PDZRN3: variants seen among roughly 807,000 people sequenced by gnomAD.
The protein encoded by PDZRN3 is E3 ubiquitin-protein ligase PDZRN3.
PDZRN3 carries 38 observed loss-of-function variants against 85.7 expected under a neutral mutation model. That is an observed-to-expected ratio of 0.44 (90% CI 0.34 to 0.58). The LOEUF is 0.58. PDZRN3 is among the 20% of genes least tolerant of loss of function. The pLI, the probability that PDZRN3 is intolerant of heterozygous loss-of-function variation, is 0.01. For missense variants in PDZRN3, 1,629 were observed against 1,506.4 expected (o/e 1.08, Z -1.35); for synonymous variants, 759 against 638.0 (o/e 1.19, Z -2.86).
chr3:73,575,694 G>T (rs892794223), intron 3 of PDZRN3, among the ~76,000 whole-genome samples: 3 of 152,192 alleles, frequency 2.0e-5, no homozygotes, highest in African/African-American at 7.2e-5. Flanking sequence ...GACAAATGAA[G>T]ACTGGCTCTA....
intron 3 of PDZRN3, among the ~76,000 whole-genome samples, chr3:73,450,231 C>A: frequency 6.6e-6 from 1 of 152,206 alleles, no homozygotes; most frequent in East Asian, 1.9e-4. Context: ...CTGTGTTCTA[C>A]ATTGACATGC....
Position 73,480,851 on chromosome 3 carries a change from T to A in PDZRN3, c.919-76456A>T, listed in dbSNP as rs987535313. 2.0e-5 allele frequency among the ~76,000 whole-genome samples: 3 copies of A among 152,206 alleles called. No individual in the cohort carries two copies. In the East Asian group the frequency reaches 5.8e-4, roughly 29 times the overall value. On this transcript the variant is annotated intron_variant, in intron 3 of 9. Transcript: ENST00000263666. The stretch of plus-strand genomic sequence containing the variant: ...TTGGCCAAAGACCCTTGCATTCATA[T>A]TACTTTCTTAACATGTTCCATAACA...
Position 73,383,198 on chromosome 3 carries a change from CCTTAAAATAGACCT to C in PDZRN3, c.*153_*166del. 1.7e-6 allele frequency: 1 copy of C among 582,588 alleles called. No homozygotes were observed. The highest frequency in any genetic ancestry group is 3.0e-6 in the Non-Finnish European group (1 of 338,118). 36.1% of individuals were successfully genotyped at this position (582,588 alleles called of 1,614,324 possible). On this transcript the variant is annotated 3_prime_UTR_variant, in exon 10 of 10. Transcript: ENST00000263666. Reference sequence around the variant, plus strand: ...AGTAAGGGTGTTTTTCTCTCTCTTCCCTTAAAATAGACCTATGACACCCAGAGTTGTAGGGTTTG... The same window carrying C: ...AGTAAGGGTGTTTTTCTCTCTCTTCCATGACACCCAGAGTTGTAGGGTTTG...
At chr3:73,548,239 C>T (rs983166056) in intron 3 of PDZRN3, among the ~76,000 whole-genome samples, 2 of 152,164 alleles carry the variant, frequency 1.3e-5, no homozygotes, top group Non-Finnish European at 2.9e-5. Context: ...ATGTGACAGG[C>T]GCTTGGGGTC....
intron 3 of PDZRN3, among the ~76,000 whole-genome samples, chr3:73,488,703 T>G (rs939800303): frequency 7.2e-5 from 11 of 152,368 alleles, no homozygotes; most frequent in African/African-American, 2.6e-4. Context: ...CCAACAGGGC[T>G]GGCTTCGTGC....
chr3:73,474,810 G>T lies in PDZRN3; in HGVS notation c.919-70415C>A, dbSNP rs11917657. Among the ~76,000 whole-genome samples the T allele has an allele frequency of 7.9e-3, 1,203 of 152,240 alleles. 9 individuals are homozygous for T. The highest frequency in any genetic ancestry group is 0.025 in the African/African-American group (1,032 of 41,548). On this transcript the variant is annotated intron_variant, in intron 3 of 9. Coordinates refer to ENST00000263666, the MANE Select transcript of PDZRN3 (RefSeq NM_015009.3). ...GGAGCAAGCTGTGAAATGAACCAAG[G>T]GGTGGATGGTGAGGTTCATGACCCT...
intron 3 of PDZRN3, among the ~76,000 whole-genome samples, chr3:73,578,147 T>C (rs1448725835): frequency 2.6e-5 from 4 of 151,170 alleles, no homozygotes; most frequent in Admixed American, 1.3e-4. Context: ...CTTTATGATA[T>C]GGTCTTTGAC....
rs756442409 is a variant in PDZRN3, at chr3:73,384,234, A to T, written c.2332T>A (p.Ser778Thr). The T allele has an allele frequency of 4.9e-5, 79 of 1,613,434 alleles. No homozygotes were observed. The highest frequency in any genetic ancestry group is 6.4e-5 in the Non-Finnish European group (75 of 1,179,990). Residue 778 changes from serine (S) to threonine (T), a missense_variant, in exon 10 of 10, where the codon TCC becomes ACC. Physicochemically the swap from Ser to Thr is moderately conservative, Grantham distance 58. Coordinates refer to ENST00000263666, the MANE Select transcript of PDZRN3 (RefSeq NM_015009.3). ...ATGCCCTCCGCCGCTCTCCTCAAGGAGTTGTCGGGGGAGATCTCCAGGGTG... is the reference window on the plus strand; with the variant it reads ...ATGCCCTCCGCCGCTCTCCTCAAGGTGTTGTCGGGGGAGATCTCCAGGGTG... ...PLTLEISPDN[S>T]LRRAAEGISC...
chr3:73,483,726 A>G (rs944052229), intron 3 of PDZRN3, among the ~76,000 whole-genome samples: 1 of 152,230 alleles, frequency 6.6e-6, no homozygotes, highest in African/African-American at 2.4e-5. Flanking sequence ...AGGGTAGCCC[A>G]GAAGGAGGAG....
rs76133005 is a variant in PDZRN3, at chr3:73,592,765, A to T, written c.918+9589T>A. 8.5e-4 allele frequency among the ~76,000 whole-genome samples: 129 copies of T among 152,266 alleles called. No homozygotes were observed. The East Asian group carries it at 0.025, about 29-fold the overall frequency. On this transcript the variant is annotated intron_variant, in intron 3 of 9. Transcript: ENST00000263666. ...CCACCCTGGAGTACTCAGAGTTCCCAGTGAAAGTGGCATAATTGCAAATCA... is the reference window on the plus strand; with the variant it reads ...CCACCCTGGAGTACTCAGAGTTCCCTGTGAAAGTGGCATAATTGCAAATCA...
intron 3 of PDZRN3, among the ~76,000 whole-genome samples, chr3:73,572,173 A>T (rs953175661): frequency 9.9e-5 from 15 of 152,210 alleles, no homozygotes; most frequent in Non-Finnish European, 8.8e-5. Context: ...ATATTGATAA[A>T]AATAAACCAT....
chr3:73,433,628 C>T (rs6803514), intron 3 of PDZRN3: 1 of 1,516,154 alleles, frequency 6.6e-7, no homozygotes, highest in Non-Finnish European at 8.9e-7. Flanking sequence ...GAATAAAATG[C>T]AGGGTGTTAC....
chr3:73,395,276 T>C (rs1214498489), intron 5 of PDZRN3, among the ~76,000 whole-genome samples: 2 of 152,258 alleles, frequency 1.3e-5, no homozygotes, highest in Non-Finnish European at 2.9e-5. Flanking sequence ...ATTAAGCATA[T>C]TGCTGAAAGC....
At chr3:73,416,062 T>TTTTG (rs897880890) in intron 3 of PDZRN3, among the ~76,000 whole-genome samples, 3 of 152,078 alleles carry the variant, frequency 2.0e-5, no homozygotes, top group Non-Finnish European at 2.9e-5. Flanking sequence ...TAAGGGTTTT[T>TTTTG]TTTGTTTGTT....
At chr3:73,501,709 A>G (rs1703982632) in intron 3 of PDZRN3, among the ~76,000 whole-genome samples, 1 of 152,218 alleles carries the variant, frequency 6.6e-6, no homozygotes, top group Non-Finnish European at 1.5e-5. Context: ...ATTGACATCC[A>G]CATTCTAAAA....
intron 3 of PDZRN3, among the ~76,000 whole-genome samples, chr3:73,441,613 G>A (rs963300273): frequency 6.6e-6 from 1 of 152,024 alleles, no homozygotes; most frequent in African/African-American, 2.4e-5. Context: ...GAAGGAACTG[G>A]GGCTCAGGGA....
intron 3 of PDZRN3, among the ~76,000 whole-genome samples, chr3:73,490,924 A>T (rs1234206575): frequency 1.3e-5 from 2 of 152,204 alleles, no homozygotes; most frequent in Non-Finnish European, 2.9e-5. Context: ...GCAGTCCTTC[A>T]ACGCACGGGG....
At chr3:73,391,570 A>G (rs1435463972) in intron 5 of PDZRN3, among the ~76,000 whole-genome samples, 1 of 152,220 alleles carries the variant, frequency 6.6e-6, no homozygotes, top group Admixed American at 6.5e-5. Context: ...CAGATTACAC[A>G]TAAATTGATC....
intron 3 of PDZRN3, among the ~76,000 whole-genome samples, chr3:73,447,495 T>A (rs1702774406): frequency 6.6e-6 from 1 of 152,192 alleles, no homozygotes; most frequent in Admixed American, 6.5e-5. Context: ...CTCTTCTTTC[T>A]CACCTCCACC....
Sources: gnomAD v4.1 joint callset for allele counts (sites outside exome capture counted in the v4.1 genomes callset) on GRCh38, gnomAD v4.1.1 for gene constraint, MANE v1.5 for transcripts, NCBI Gene and HGNC (gene_info 2026-07-23, HGNC 2026-07-21) for gene names.